Variants in TNIK observed in about 807,000 individuals in gnomAD.
TNIK encodes TRAF2 and NCK-interacting protein kinase.
TNIK carries 49 observed loss-of-function variants against 191.3 expected under a neutral mutation model. The observed-to-expected ratio is 0.26, with a 90% CI of 0.20 to 0.32. TNIK has a LOEUF of 0.32. Among genes scored for constraint, TNIK ranks in the 10% least tolerant of loss-of-function variants. The pLI is 1.00. For synonymous variants in TNIK, 594 were observed against 600.9 expected (o/e 0.99, Z 0.17); for missense variants, 1,155 against 1,702.3 (o/e 0.68, Z 5.66).
intron 1 of TNIK, among the ~76,000 whole-genome samples, chr3:171,398,814 A>G (rs10936682): frequency 0.49 from 74,607 of 152,064 alleles, 19,134 homozygotes; most frequent in African/African-American, 0.59. Context: ...TTTTGCACAC[A>G]CTATTCCCTT....
intron 18 of TNIK, among the ~76,000 whole-genome samples, chr3:171,112,023 G>A (rs538479794): frequency 2.3e-4 from 35 of 152,240 alleles, no homozygotes; most frequent in Non-Finnish European, 4.7e-4. Context: ...AGATCATAAC[G>A]AGGTATACTT....
intron 2 of TNIK, among the ~76,000 whole-genome samples, chr3:171,356,175 TTTC>T (rs1714027035): frequency 6.6e-6 from 1 of 151,058 alleles, no homozygotes; most frequent in African/African-American, 2.5e-5. Flanking sequence ...ATATAGAGTT[TTTC>T]TGGGGGGAAA....
intron 27 of TNIK, 43 bp downstream of exon 27, chr3:171,082,208 C>T: frequency 1.3e-6 from 2 of 1,595,412 alleles, no homozygotes; most frequent in Non-Finnish European, 1.7e-6. Flanking sequence ...GGATCCCTTT[C>T]CCGCTGTATG....
intron 2 of TNIK, among the ~76,000 whole-genome samples, chr3:171,278,807 T>C (rs765556580): frequency 2.0e-5 from 3 of 152,188 alleles, no homozygotes; most frequent in Non-Finnish European, 2.9e-5. Context: ...CAAAAGAACT[T>C]ATGCTTGTGA....
intron 1 of TNIK, among the ~76,000 whole-genome samples, chr3:171,429,634 C>T (rs1488840911): frequency 6.6e-6 from 1 of 152,176 alleles, no homozygotes; most frequent in African/African-American, 2.4e-5. Flanking sequence ...ATCTTATTCC[C>T]TAATACAGCA....
At position 171,159,665 on chromosome 3, in the gene TNIK, T is replaced by A. The variant is rs115108725; in HGVS notation, c.1016+1605A>T. ...TTGATATTGAATCAATGTCAGAAGA[T>A]CTGAGCTGTGTTAGTGACTCAACCA... On this transcript the variant is annotated intron_variant, in intron 11 of 32. Transcript: ENST00000436636. The surrounding 1 kb of genome is among the most constrained non-coding windows in gnomAD (Gnocchi z 4.1). Among the ~76,000 whole-genome samples the A allele has an allele frequency of 6.6e-6, 1 of 152,190 alleles. No individual in the cohort carries two copies. Among genetic ancestry groups the A allele is most frequent in the Admixed American group, 6.5e-5 (1 of 15,286 alleles).
chr3:171,198,576 TGAC>T (rs1739010838), intron 4 of TNIK, among the ~76,000 whole-genome samples: 2 of 152,102 alleles, frequency 1.3e-5, no homozygotes, highest in Non-Finnish European at 2.9e-5. Flanking sequence ...TTTTAAAAAA[TGAC>T]ATGTTTTGTT....
intron 2 of TNIK, among the ~76,000 whole-genome samples, chr3:171,324,671 G>A (rs1250202515): frequency 6.6e-6 from 1 of 152,130 alleles, no homozygotes; most frequent in East Asian, 1.9e-4. Context: ...GAAGAGGACT[G>A]CAGGTAGCTA....
intron 2 of TNIK, among the ~76,000 whole-genome samples, chr3:171,361,445 A>AT (rs989617416): frequency 1.3e-4 from 20 of 152,174 alleles, no homozygotes; most frequent in African/African-American, 4.8e-4. Context: ...CCATGTTCAC[A>AT]TGACAACCAT....
intron 7 of TNIK, among the ~76,000 whole-genome samples, chr3:171,182,160 T>C (rs1736731338): frequency 7.1e-6 from 1 of 141,756 alleles, no homozygotes; most frequent in Admixed American, 7.5e-5. Context: ...TTGATATCAT[T>C]GTTAGGATTT....
intron 2 of TNIK, among the ~76,000 whole-genome samples, chr3:171,342,137 TA>T (rs1270536921): frequency 6.6e-6 from 1 of 152,196 alleles, no homozygotes; most frequent in Non-Finnish European, 1.5e-5. Context: ...TCTGAAACTA[TA>T]AAGCTTTTAA....
At chr3:171,245,934 C>G (rs953303176) in intron 2 of TNIK, among the ~76,000 whole-genome samples, 1 of 152,014 alleles carries the variant, frequency 6.6e-6, no homozygotes, top group Non-Finnish European at 1.5e-5. Flanking sequence ...GACAGACAGA[C>G]AGACAGACTT....
In TNIK at chr3:171,351,269, A is replaced by ATG. The variant is rs140083535; in HGVS notation, c.123+18350_123+18351insCA. On this transcript the variant is annotated intron_variant, in intron 2 of 32. Transcript: ENST00000436636. ...AGAGAAAATATATATATATATGTAT[A>ATG]TATGTGTGTGTGTGTGTGTATGAAT... Among the ~76,000 whole-genome samples, 155 of 147,050 alleles carry ATG rather than the reference A, an allele frequency of 1.1e-3. 3 individuals carry two copies. The highest frequency in any genetic ancestry group is 3.5e-3 in the African/African-American group (133 of 38,264).
chr3:171,115,198 T>TA (rs1251751743), intron 18 of TNIK, among the ~76,000 whole-genome samples: 1 of 152,184 alleles, frequency 6.6e-6, no homozygotes, highest in African/African-American at 2.4e-5. Flanking sequence ...GAGAGGAGGG[T>TA]AGCTGGTGAT....
chr3:171,392,141 C>T (rs1001978400), intron 1 of TNIK, among the ~76,000 whole-genome samples: 1 of 152,156 alleles, frequency 6.6e-6, no homozygotes, highest in Non-Finnish European at 1.5e-5. Flanking sequence ...AAAGAAATTA[C>T]ATTATATGCC....
intron 2 of TNIK, among the ~76,000 whole-genome samples, chr3:171,296,371 C>T (rs549007052): frequency 6.6e-6 from 1 of 152,174 alleles, no homozygotes; most frequent in Non-Finnish European, 1.5e-5. Flanking sequence ...ACCCTTCCCC[C>T]CAACACACCC....
rs753399456 is a variant in TNIK at position 171,188,825 on chromosome 3, A to G, written c.516T>C (p.Phe172=). Residue 172 remains phenylalanine, a synonymous_variant, in exon 7 of 33, where the codon TTT becomes TTC. Transcript: ENST00000436636. The part of the protein sequence containing the change: ...TENAEVKLVD[F]GVSAQLDRTV... The stretch of plus-strand genomic sequence containing the variant: ...TTCGATCAAGCTGAGCACTGACTCC[A>G]AAGTCCACTATTTAAGAAAAGACAA... The G allele has an allele frequency of 1.4e-5, 22 of 1,613,122 alleles. No homozygotes were observed. The East Asian group carries it at 4.2e-4, about 31-fold the overall frequency.
intron 7 of TNIK, among the ~76,000 whole-genome samples, chr3:171,186,981 A>C (rs1306394136): frequency 6.6e-6 from 1 of 152,218 alleles, no homozygotes; most frequent in Admixed American, 6.5e-5. Flanking sequence ...AAAACAAGTC[A>C]GTTGTAGGCA....
At chr3:171,231,088 G>T (rs755531148) in intron 2 of TNIK, among the ~76,000 whole-genome samples, 2 of 152,156 alleles carry the variant, frequency 1.3e-5, no homozygotes, top group Non-Finnish European at 2.9e-5. Context: ...TTGTTACAAG[G>T]ACACCTCAAC....
Sources: allele counts gnomAD v4.1 joint callset (sites outside exome capture counted in the v4.1 genomes callset), GRCh38; gene constraint gnomAD v4.1.1; non-coding constraint Gnocchi (gnomAD v3.1); transcripts MANE v1.5; gene names NCBI Gene and HGNC (gene_info 2026-07-23, HGNC 2026-07-21).